Variants in TAF12 observed in about 807,000 individuals in gnomAD.
The protein encoded by TAF12 is transcription initiation factor TFIID subunit 12.
In TAF12, 3 loss-of-function variants were observed where a neutral mutation model predicts 20.8. The observed-to-expected ratio is 0.14, with a 90% confidence interval of 0.07 to 0.37. The LOEUF is 0.37. Ranked by LOEUF, TAF12 falls within the 10% of genes least tolerant of loss-of-function variation. The probability of loss-of-function intolerance (pLI) is 1.00; values close to 1 mark genes in which losing one functional copy is unlikely to be tolerated. For synonymous variants in TAF12, 69 were observed against 70.2 expected (o/e 0.98, Z 0.09); for missense variants, 131 against 197.9 (o/e 0.66, Z 2.03).
At chr1:28,612,881 C>T (rs1312565004) in intron 4 of TAF12, among the ~76,000 whole-genome samples, 1 of 152,134 alleles carries the variant, frequency 6.6e-6, no homozygotes, top group African/African-American at 2.4e-5. Flanking sequence ...CTAGATCCTA[C>T]TTTGTGCAGG....
rs542462031 is a variant in TAF12 at position 28,621,844 on chromosome 1, C to T, written c.168+70G>A. ...AAAGCAGCATCTGAGATGGACATCT[C>T]TTAAAGTATTACAGATTGAAATAAT... On this transcript the variant is annotated intron_variant, in intron 2 of 5. Transcript: ENST00000373824. 109 of 1,560,994 alleles carry T rather than the reference C, an allele frequency of 7.0e-5. No homozygotes were observed. In the Middle Eastern group the frequency reaches 1.5e-3, roughly 22 times the overall value.
intron 1 of TAF12, among the ~76,000 whole-genome samples, chr1:28,622,807 G>A (rs1478444640): frequency 6.6e-6 from 1 of 152,024 alleles, no homozygotes; most frequent in Non-Finnish European, 1.5e-5. Flanking sequence ...GATCACCTGA[G>A]GTCAGGAGTT....
chr1:28,630,430 T>C (rs1422789519), intron 1 of TAF12, among the ~76,000 whole-genome samples: 1 of 152,046 alleles, frequency 6.6e-6, no homozygotes, highest in Non-Finnish European at 1.5e-5. Flanking sequence ...GGCGTGCGCC[T>C]GTAATCTAAG....
intron 1 of TAF12, among the ~76,000 whole-genome samples, chr1:28,637,805 T>C (rs1314563440): frequency 6.6e-6 from 1 of 152,296 alleles, no homozygotes; most frequent in East Asian, 1.9e-4. Flanking sequence ...ACATTGCTGA[T>C]ATAGTGCCTA....
chr1:28,638,411 A>G (rs1667914975), intron 1 of TAF12, among the ~76,000 whole-genome samples: 1 of 150,792 alleles, frequency 6.6e-6, no homozygotes, highest in Non-Finnish European at 1.5e-5. Flanking sequence ...CTGGTCTCGA[A>G]CTCCCAACCT....
chr1:28,626,582 A>C (rs1040153844), intron 1 of TAF12, among the ~76,000 whole-genome samples: 3 of 118,728 alleles, frequency 2.5e-5, no homozygotes, highest in Non-Finnish European at 3.7e-5. Context: ...ACTCTGTCTC[A>C]AAAAAAAAAA....
At chr1:28,610,566 C>T (rs941708542) in intron 4 of TAF12, among the ~76,000 whole-genome samples, 3 of 152,152 alleles carry the variant, frequency 2.0e-5, no homozygotes, top group Non-Finnish European at 2.9e-5. Flanking sequence ...CCTCCTGCCT[C>T]AGCTTCCCAA....
intron 1 of TAF12, among the ~76,000 whole-genome samples, chr1:28,629,571 A>C (rs999448512): frequency 2.0e-5 from 3 of 152,042 alleles, no homozygotes; most frequent in Non-Finnish European, 4.4e-5. Flanking sequence ...TCCAACCTCA[A>C]GTGATCCACC....
At chr1:28,630,977 G>A (rs1169349306) in intron 1 of TAF12, among the ~76,000 whole-genome samples, 4 of 150,766 alleles carry the variant, frequency 2.7e-5, no homozygotes, top group Non-Finnish European at 4.4e-5. Context: ...CCCGGGAGGC[G>A]GAGGTTGCAG....
At chr1:28,628,638 G>T (rs1667517471) in intron 1 of TAF12, among the ~76,000 whole-genome samples, 1 of 151,488 alleles carries the variant, frequency 6.6e-6, no homozygotes, top group Non-Finnish European at 1.5e-5. Context: ...TTAAATCAGT[G>T]ATTTGTGTGA....
chr1:28,639,818 CA>C (rs1272935400), intron 1 of TAF12, among the ~76,000 whole-genome samples: 5 of 151,846 alleles, frequency 3.3e-5, no homozygotes, highest in African/African-American at 1.2e-4. Flanking sequence ...GAAAATCAAT[CA>C]AATTTAAGCC....
chr1:28,603,469 T>G lies in TAF12; in HGVS notation c.*70A>C. On this transcript the variant is annotated 3_prime_UTR_variant, in exon 6 of 6. Transcript: ENST00000373824. ...AGCATTAAAAAAAAAAATCCAAGGA[T>G]GAGATGGCTGAGTTCTCAGCTCAAG... The G allele has an allele frequency of 8.9e-5, 137 of 1,534,922 alleles. No individual in the cohort carries two copies. The highest frequency in any genetic ancestry group is 1.1e-4 in the Non-Finnish European group (125 of 1,114,700).
chr1:28,633,881 C>T (rs1667727220), intron 1 of TAF12, among the ~76,000 whole-genome samples: 1 of 140,596 alleles, frequency 7.1e-6, no homozygotes, highest in Non-Finnish European at 1.5e-5. Context: ...CATCGCACTC[C>T]AGCCTGGGCA....
intron 1 of TAF12, among the ~76,000 whole-genome samples, chr1:28,628,730 G>C (rs955018579): frequency 7.2e-5 from 11 of 152,098 alleles, no homozygotes; most frequent in South Asian, 6.2e-4. Flanking sequence ...ATTGTTCAAT[G>C]AATGAAAGCA....
chr1:28,604,622 A>G (rs922243089), intron 5 of TAF12, among the ~76,000 whole-genome samples: 4 of 152,196 alleles, frequency 2.6e-5, no homozygotes, highest in Non-Finnish European at 5.9e-5. Context: ...GCTTCCCTTT[A>G]GGGCTTGCTT....
At chr1:28,623,872 C>T (rs1405827231) in intron 1 of TAF12, 14 of 729,224 alleles carry the variant, frequency 1.9e-5, no homozygotes, top group East Asian at 2.6e-4. Flanking sequence ...ACTCTGTGGA[C>T]GTCAGCTTGG....
intron 2 of TAF12, 48 bp from the exon 3 acceptor site, chr1:28,618,078 A>G: frequency 1.3e-6 from 2 of 1,546,550 alleles, no homozygotes; most frequent in Non-Finnish European, 1.8e-6. Context: ...TAAGGAAATG[A>G]AACAAATCAT....
chr1:28,615,640 C>T (rs1045375492), intron 3 of TAF12, among the ~76,000 whole-genome samples: 1 of 131,514 alleles, frequency 7.6e-6, no homozygotes, highest in African/African-American at 2.8e-5. Flanking sequence ...GATCATGCCG[C>T]TGCACTCCAG....
At chr1:28,612,270 T>A (rs1666884414) in intron 4 of TAF12, among the ~76,000 whole-genome samples, 1 of 151,714 alleles carries the variant, frequency 6.6e-6, no homozygotes, top group African/African-American at 2.4e-5. Context: ...ACCAACATGA[T>A]GAAACCCTAT....
Sources: allele counts gnomAD v4.1 joint callset (sites outside exome capture counted in the v4.1 genomes callset), GRCh38; gene constraint gnomAD v4.1.1; transcripts MANE v1.5; gene names NCBI Gene and HGNC (gene_info 2026-07-23, HGNC 2026-07-21).